Variants in KHDRBS2 observed in about 807,000 individuals in gnomAD.
The protein encoded by KHDRBS2 is KH domain-containing, RNA-binding, signal transduction-associated protein 2.
KHDRBS2 carries 26 observed loss-of-function variants against 44.3 expected under a neutral mutation model. The ratio of observed to expected loss-of-function variants is 0.59; its 90% CI spans 0.43 to 0.81. The LOEUF is 0.81. Ranked by LOEUF, KHDRBS2 falls within the 40% of genes least tolerant of loss-of-function variation. The pLI is 0.00. For synonymous variants in KHDRBS2, 194 were observed against 151.1 expected (o/e 1.28, Z -2.08); for missense variants, 476 against 433.1 (o/e 1.10, Z -0.88).
chr6:61,964,797 T>C (rs1246135241), intron 4 of KHDRBS2, among the ~76,000 whole-genome samples: 1 of 152,082 alleles, frequency 6.6e-6, no homozygotes, highest in African/African-American at 2.4e-5. Context: ...GTGGCAGAAA[T>C]GTGCTTCAAA....
At chr6:61,983,236 CTTTTTTT>C (rs1173961055) in intron 3 of KHDRBS2, among the ~76,000 whole-genome samples, 1 of 118,504 alleles carries the variant, frequency 8.4e-6, no homozygotes, top group Non-Finnish European at 1.8e-5. Flanking sequence ...TTCTTTCTTT[CTTTTTTT>C]TTTTTTTTTT....
At chr6:61,983,200 T>TTTTCTTTCTTTTCTTTC (rs553232983) in intron 3 of KHDRBS2, among the ~76,000 whole-genome samples, 4,062 of 45,756 alleles carry the variant, frequency 0.089, 360 homozygotes, top group Non-Finnish European at 0.093. Context: ...GTTTTTTTCA[T>TTTTCTTTCTTTTCTTTC]TTTCTTTCTT....
chr6:61,554,029 C>G, the KHDRBS2 span, among the ~76,000 whole-genome samples: 6 of 152,122 alleles, frequency 3.9e-5, no homozygotes, highest in South Asian at 1.2e-3. Flanking sequence ...TTTTGTCAAG[C>G]ATTGAGTTCA....
At chr6:62,122,114 T>C (rs1052357267) in intron 2 of KHDRBS2, among the ~76,000 whole-genome samples, 18 of 152,040 alleles carry the variant, frequency 1.2e-4, no homozygotes, top group African/African-American at 3.6e-4. Flanking sequence ...CTGCAACAGG[T>C]CTAGACTGCT....
At chr6:61,797,899 T>C (rs1254241299) in intron 6 of KHDRBS2, among the ~76,000 whole-genome samples, 3 of 152,016 alleles carry the variant, frequency 2.0e-5, no homozygotes, top group African/African-American at 4.8e-5. Context: ...AGGAGGTATA[T>C]GTGTAGTTTT....
At chr6:61,618,141 C>T in the KHDRBS2 span, among the ~76,000 whole-genome samples, 1 of 152,110 alleles carries the variant, frequency 6.6e-6, no homozygotes, top group Admixed American at 6.6e-5. Context: ...CTTTTGAAGG[C>T]AAATCAGTCT....
the KHDRBS2 span, among the ~76,000 whole-genome samples, chr6:61,672,256 T>C: frequency 2.0e-5 from 3 of 151,820 alleles, no homozygotes; most frequent in Non-Finnish European, 2.9e-5. Context: ...TGTTGGACAT[T>C]TGGGTTGGTT....
intron 6 of KHDRBS2, among the ~76,000 whole-genome samples, chr6:61,811,218 T>C (rs1788063254): frequency 6.6e-6 from 1 of 152,158 alleles, no homozygotes; most frequent in Non-Finnish European, 1.5e-5. Flanking sequence ...TTTGGTTTCC[T>C]GTTTTTGCAT....
chr6:61,569,115 G>A, the KHDRBS2 span, among the ~76,000 whole-genome samples: 1 of 152,078 alleles, frequency 6.6e-6, no homozygotes, highest in Non-Finnish European at 1.5e-5. Context: ...GCTGGGTGAG[G>A]CCTCTCGCTA....
At chr6:61,638,956 A>G in the KHDRBS2 span, among the ~76,000 whole-genome samples, 2 of 152,142 alleles carry the variant, frequency 1.3e-5, no homozygotes, top group Non-Finnish European at 2.9e-5. Context: ...CTCAGCTGCT[A>G]TACAGTAGGT....
intron 8 of KHDRBS2, among the ~76,000 whole-genome samples, chr6:61,687,741 CT>C (rs1391599647): frequency 1.1e-3 from 165 of 151,896 alleles, no homozygotes; most frequent in African/African-American, 3.9e-3. Flanking sequence ...TGTGCCTAAG[CT>C]TAGTTGGTTT....
chr6:62,130,037 A>T (rs1809930419), intron 2 of KHDRBS2, among the ~76,000 whole-genome samples: 1 of 152,194 alleles, frequency 6.6e-6, no homozygotes, highest in South Asian at 2.1e-4. Flanking sequence ...ATAATTTTTT[A>T]AAAACTAGCT....
intron 3 of KHDRBS2, among the ~76,000 whole-genome samples, chr6:62,029,106 T>C (rs1783886047): frequency 6.6e-6 from 1 of 152,010 alleles, no homozygotes; most frequent in Admixed American, 6.6e-5. Context: ...TACATTATAA[T>C]TTACCTAAGT....
intron 2 of KHDRBS2, among the ~76,000 whole-genome samples, chr6:62,156,852 T>A (rs1176033333): frequency 6.8e-6 from 1 of 147,386 alleles, no homozygotes; most frequent in Non-Finnish European, 1.5e-5. Flanking sequence ...TTTTTTTTTT[T>A]TTTTTTGTAT....
intron 6 of KHDRBS2, among the ~76,000 whole-genome samples, chr6:61,741,522 A>G (rs984722385): frequency 6.6e-6 from 1 of 151,984 alleles, no homozygotes; most frequent in Non-Finnish European, 1.5e-5. Flanking sequence ...CTTTTGTTAC[A>G]TGAGTATACT....
intron 6 of KHDRBS2, among the ~76,000 whole-genome samples, chr6:61,854,616 C>T (rs1369972477): frequency 1.3e-5 from 2 of 152,116 alleles, no homozygotes; most frequent in South Asian, 4.1e-4. Context: ...ACGCCTACAA[C>T]TTGTTTTAAT....
chr6:61,555,054 A>C, the KHDRBS2 span, among the ~76,000 whole-genome samples: 2 of 152,038 alleles, frequency 1.3e-5, no homozygotes, highest in African/African-American at 2.4e-5. Context: ...TGGCCTATTT[A>C]GTAAGGTTGG....
chr6:61,887,807 TTTTG>T (rs1171146273), intron 6 of KHDRBS2, among the ~76,000 whole-genome samples: 1 of 152,160 alleles, frequency 6.6e-6, no homozygotes, highest in Non-Finnish European at 1.5e-5. Flanking sequence ...ACACTTAAAC[TTTTG>T]TTTTTCTTAC....
chr6:61,916,912 G>C (rs1305235640), intron 4 of KHDRBS2, among the ~76,000 whole-genome samples: 1 of 146,484 alleles, frequency 6.8e-6, no homozygotes, highest in African/African-American at 2.5e-5. Context: ...GGAAAATCCA[G>C]AACACTGACA....
Sources: allele counts gnomAD v4.1 joint callset (sites outside exome capture counted in the v4.1 genomes callset), GRCh38; gene constraint gnomAD v4.1.1; transcripts MANE v1.5; gene names NCBI Gene and HGNC (gene_info 2026-07-23, HGNC 2026-07-21).